Variants in KCNMB2 observed in about 807,000 individuals in gnomAD.
The protein encoded by KCNMB2 is calcium-activated potassium channel subunit beta-2.
A neutral mutation model predicts 24.5 loss-of-function variants in KCNMB2; 9 were observed. That is an observed-to-expected ratio of 0.37 (90% confidence interval 0.22 to 0.64). The LOEUF (loss-of-function observed/expected upper bound fraction) is 0.64. KCNMB2 is among the 30% of genes least tolerant of loss of function. The pLI, the probability that KCNMB2 is intolerant of heterozygous loss-of-function variation, is 0.63. For synonymous variants in KCNMB2, 109 were observed against 104.4 expected (o/e 1.04, Z -0.27); for missense variants, 226 against 284.3 (o/e 0.79, Z 1.47).
rs539628500 is a variant in KCNMB2, at chr3:178,682,545, G to A, written c.-67-124798G>A. ...CATGCCACAAATGTGACTTGTATAT[G>A]TAATTTTAAAATCACCTAATATCTA... On this transcript the variant is annotated intron_variant, in intron 1 of 4. Coordinates refer to ENST00000452583, the MANE Select transcript of KCNMB2 (RefSeq NM_181361.3). Among the ~76,000 whole-genome samples, 20 of 152,148 alleles carry A rather than the reference G, an allele frequency of 1.3e-4. No homozygotes were observed. In the South Asian group the frequency reaches 3.5e-3, roughly 27 times the overall value.
intron 1 of KCNMB2, among the ~76,000 whole-genome samples, chr3:178,667,809 GC>G (rs1720771332): frequency 2.0e-5 from 3 of 151,992 alleles, no homozygotes; most frequent in African/African-American, 7.2e-5. Flanking sequence ...GCCCCCTAAA[GC>G]CCCACTCTTG....
chr3:178,617,805 C>T (rs1245280916), intron 1 of KCNMB2, among the ~76,000 whole-genome samples: 1 of 149,320 alleles, frequency 6.7e-6, no homozygotes, highest in Non-Finnish European at 1.5e-5. Flanking sequence ...GCAGGAGAAT[C>T]GCTTAAACCC....
chr3:178,780,098 C>T (rs1385631678), intron 1 of KCNMB2, among the ~76,000 whole-genome samples: 3 of 146,482 alleles, frequency 2.0e-5, no homozygotes, highest in African/African-American at 7.6e-5. Flanking sequence ...GGGTTAAACA[C>T]ATTTGCTGTA....
intron 1 of KCNMB2, among the ~76,000 whole-genome samples, chr3:178,698,802 AT>A (rs1421283055): frequency 6.6e-6 from 1 of 152,120 alleles, no homozygotes; most frequent in East Asian, 1.9e-4. Context: ...CTTTTATTCT[AT>A]TGGACAACCT....
At chr3:178,691,048 G>A (rs890564751) in intron 1 of KCNMB2, among the ~76,000 whole-genome samples, 4 of 148,684 alleles carry the variant, frequency 2.7e-5, no homozygotes, top group African/African-American at 5.0e-5. Context: ...AGCAATTCTC[G>A]CACCTTAGTC....
chr3:178,747,497 A>T (rs1723710318), intron 1 of KCNMB2, among the ~76,000 whole-genome samples: 1 of 152,240 alleles, frequency 6.6e-6, no homozygotes, highest in Admixed American at 6.5e-5. Flanking sequence ...CAACAATCTT[A>T]TAATGAAAAT....
At chr3:178,668,240 C>T (rs78254965) in intron 1 of KCNMB2, among the ~76,000 whole-genome samples, 3,009 of 152,084 alleles carry the variant, frequency 0.02, 96 homozygotes, top group African/African-American at 0.069. Context: ...GGTAAGGAGA[C>T]GGGGGTGAGC....
intron 1 of KCNMB2, chr3:178,802,041 T>C (rs1713795308): frequency 6.6e-6 from 1 of 152,210 alleles, no homozygotes; most frequent in African/African-American, 2.4e-5. Flanking sequence ...CATTTAAAAC[T>C]GCTTGTAATA....
intron 1 of KCNMB2, among the ~76,000 whole-genome samples, chr3:178,730,405 A>ACC (rs71181246): frequency 0.099 from 11,123 of 111,844 alleles, 665 homozygotes; most frequent in African/African-American, 0.12. Context: ...GTCCCCCAAC[A>ACC]CCCCCCCACA....
chr3:178,622,678 C>G (rs567129814), intron 1 of KCNMB2, among the ~76,000 whole-genome samples: 1 of 152,294 alleles, frequency 6.6e-6, no homozygotes, highest in South Asian at 2.1e-4. Flanking sequence ...TCCTGAAAAC[C>G]TCTCTACCTG....
At chr3:178,734,923 C>T (rs1205878978) in intron 1 of KCNMB2, among the ~76,000 whole-genome samples, 1 of 152,212 alleles carries the variant, frequency 6.6e-6, no homozygotes, top group African/African-American at 2.4e-5. Context: ...TGTATGCCAG[C>T]TAAGATCTTT....
At chr3:178,773,430 C>G (rs1712457044) in intron 1 of KCNMB2, among the ~76,000 whole-genome samples, 1 of 152,098 alleles carries the variant, frequency 6.6e-6, no homozygotes, top group Non-Finnish European at 1.5e-5. Flanking sequence ...GCTTTTCCCC[C>G]TTTTTGAATC....
chr3:178,713,279 A>G (rs955437075), intron 1 of KCNMB2, among the ~76,000 whole-genome samples: 114 of 152,196 alleles, frequency 7.5e-4, no homozygotes, highest in Non-Finnish European at 2.6e-4. Flanking sequence ...GTATGGGCAA[A>G]TACTCAGAAA....
At chr3:178,719,621 T>C in intron 1 of KCNMB2, among the ~76,000 whole-genome samples, 1 of 152,366 alleles carries the variant, frequency 6.6e-6, no homozygotes, top group Non-Finnish European at 1.5e-5. Flanking sequence ...TCATGATTTT[T>C]ATGTTCTCTC....
intron 1 of KCNMB2, among the ~76,000 whole-genome samples, chr3:178,699,247 G>C (rs11924523): frequency 0.032 from 4,912 of 152,364 alleles, 210 homozygotes; most frequent in East Asian, 0.18. Context: ...TGTCTGCACA[G>C]TGTTAGTGCA....
At chr3:178,755,903 T>C (rs530001534) in intron 1 of KCNMB2, among the ~76,000 whole-genome samples, 1 of 152,216 alleles carries the variant, frequency 6.6e-6, no homozygotes, top group East Asian at 1.9e-4. Flanking sequence ...TTATGCCAGA[T>C]ATAGAATGAG....
At chr3:178,553,336 A>G (rs1716019566) in intron 1 of KCNMB2, among the ~76,000 whole-genome samples, 1 of 152,190 alleles carries the variant, frequency 6.6e-6, no homozygotes, top group Non-Finnish European at 1.5e-5. Flanking sequence ...ATAAGATTTG[A>G]TTCCAACTTT....
intron 4 of KCNMB2, among the ~76,000 whole-genome samples, chr3:178,838,079 A>G (rs958330097): frequency 2.6e-5 from 4 of 152,174 alleles, no homozygotes; most frequent in African/African-American, 7.2e-5. Context: ...TTTAAATTCA[A>G]CCAGAAATGG....
chr3:178,609,992 T>A (rs540516832), intron 1 of KCNMB2, among the ~76,000 whole-genome samples: 1 of 152,306 alleles, frequency 6.6e-6, no homozygotes, highest in Non-Finnish European at 1.5e-5. Flanking sequence ...ATCTTCTGCA[T>A]GTGAATATCC....
Sources: allele counts gnomAD v4.1 joint callset (sites outside exome capture counted in the v4.1 genomes callset), GRCh38; gene constraint gnomAD v4.1.1; transcripts MANE v1.5; gene names NCBI Gene and HGNC (gene_info 2026-07-23, HGNC 2026-07-21).